The following DRD2 variants were observed in gnomAD, a reference collection of about 807,000 sequenced individuals.
The protein encoded by DRD2 is D(2) dopamine receptor.
Under a neutral mutation model 38.0 loss-of-function variants are expected in DRD2, and 8 were observed. The observed-to-expected ratio is 0.21, with a 90% confidence interval of 0.12 to 0.38. The LOEUF (loss-of-function observed/expected upper bound fraction) is 0.38. Ranked by LOEUF, DRD2 falls within the 10% of genes least tolerant of loss-of-function variation. The pLI is 1.00. For synonymous variants in DRD2, 230 were observed against 238.6 expected (o/e 0.96, Z 0.33); for missense variants, 403 against 607.7 (o/e 0.66, Z 3.54).
At chr11:113,423,059 C>T (rs887786321) in intron 2 of DRD2, among the ~76,000 whole-genome samples, 8 of 152,066 alleles carry the variant, frequency 5.3e-5, no homozygotes, top group Admixed American at 2.6e-4. Flanking sequence ...CCTGGACATG[C>T]CATCCTAGAA....
In DRD2 at chr11:113,416,848, A is replaced by G. The variant is rs1253231930; in HGVS notation, c.532+15T>C. ...AGGGCCAGCTGAGCCTCAGGCAAAC[A>G]AAAGCAGAATGTACCTGCGTTATTG... On this transcript the variant is annotated intron_variant, in intron 4 of 7. Transcript: ENST00000362072. The G allele has an allele frequency of 8.7e-6, 14 of 1,613,126 alleles. No individual in the cohort carries two copies. The East Asian group carries it at 1.1e-4, about 13-fold the overall frequency.
chr11:113,423,879 G>A (rs1463807309), intron 2 of DRD2, among the ~76,000 whole-genome samples: 1 of 152,210 alleles, frequency 6.6e-6, no homozygotes, highest in Non-Finnish European at 1.5e-5. Context: ...GTGGGGAGAT[G>A]GGAGTGAAGG....
intron 1 of DRD2, among the ~76,000 whole-genome samples, chr11:113,445,896 G>A (rs1195247536): frequency 1.3e-5 from 2 of 152,210 alleles, no homozygotes; most frequent in Non-Finnish European, 2.9e-5. Context: ...AGCTCAGCCT[G>A]TCTCCAGAGC....
intron 1 of DRD2, among the ~76,000 whole-genome samples, chr11:113,464,254 A>G (rs541678949): frequency 5.1e-4 from 77 of 152,270 alleles, no homozygotes; most frequent in African/African-American, 1.8e-3. Flanking sequence ...GCATGGCGGC[A>G]GCAGCCCCTC....
intron 1 of DRD2, among the ~76,000 whole-genome samples, chr11:113,436,473 T>C (rs1361559605): frequency 6.6e-6 from 1 of 152,202 alleles, no homozygotes. Context: ...ATTGAAAATC[T>C]AAACAGTAGA....
chr11:113,421,504 G>A (rs1218155778), intron 2 of DRD2, among the ~76,000 whole-genome samples: 1 of 152,154 alleles, frequency 6.6e-6, no homozygotes, highest in Non-Finnish European at 1.5e-5. Context: ...GGCTGACATG[G>A]AATGGCACAT....
At chr11:113,424,055 T>C (rs1245866125) in intron 2 of DRD2, among the ~76,000 whole-genome samples, 2 of 152,200 alleles carry the variant, frequency 1.3e-5, no homozygotes, top group African/African-American at 4.8e-5. Flanking sequence ...CCACCTGGTT[T>C]ATCAACTGCA....
intron 1 of DRD2, among the ~76,000 whole-genome samples, chr11:113,436,698 C>A (rs1438017174): frequency 6.6e-6 from 1 of 152,144 alleles, no homozygotes; most frequent in Non-Finnish European, 1.5e-5. Flanking sequence ...CATTGAGGTT[C>A]ATGACGCTAT....
intron 1 of DRD2, among the ~76,000 whole-genome samples, chr11:113,425,682 G>C (rs906500546): frequency 1.3e-5 from 2 of 152,052 alleles, no homozygotes; most frequent in Non-Finnish European, 2.9e-5. Flanking sequence ...GGTTTGGCAG[G>C]ATGCAGGGAG....
At chr11:113,471,435 C>G (rs886696885) in intron 1 of DRD2, among the ~76,000 whole-genome samples, 19 of 152,160 alleles carry the variant, frequency 1.2e-4, no homozygotes, top group Non-Finnish European at 2.4e-4. Flanking sequence ...TACCTAATCC[C>G]AAGGTCCTTC....
chr11:113,437,274 A>G (rs1951047714), intron 1 of DRD2, among the ~76,000 whole-genome samples: 1 of 152,236 alleles, frequency 6.6e-6, no homozygotes, highest in South Asian at 2.1e-4. Context: ...ATCTGCCTGC[A>G]GAACCCAGAC....
At chr11:113,470,270 G>A (rs1215834159) in intron 1 of DRD2, among the ~76,000 whole-genome samples, 1 of 152,210 alleles carries the variant, frequency 6.6e-6, no homozygotes, top group Non-Finnish European at 1.5e-5. Flanking sequence ...AGAAGGGCAG[G>A]CACGTTCTGA....
rs199729096 is a variant in DRD2, at chr11:113,410,654, G to C, written c.*73C>G. On this transcript the variant is annotated 3_prime_UTR_variant, in exon 8 of 8. Transcript: ENST00000362072. ...ATCCACCCAGGCCTTCCTGCTCACGGTTCGCAAGGGTGAGGCTGGCCGGCC... is the reference window on the plus strand; with the variant it reads ...ATCCACCCAGGCCTTCCTGCTCACGCTTCGCAAGGGTGAGGCTGGCCGGCC... 4 of 1,594,428 alleles carry C rather than the reference G, an allele frequency of 2.5e-6. No individual in the cohort carries two copies. The highest frequency in any genetic ancestry group is 3.4e-6 in the Non-Finnish European group (4 of 1,163,800).
At chr11:113,431,851 G>A (rs1353555986) in intron 1 of DRD2, among the ~76,000 whole-genome samples, 1 of 152,208 alleles carries the variant, frequency 6.6e-6, no homozygotes, top group Non-Finnish European at 1.5e-5. Context: ...TAGCTCTCAA[G>A]TTGAGAAGTA....
At chr11:113,449,640 C>A (rs920923546) in intron 1 of DRD2, among the ~76,000 whole-genome samples, 3 of 151,612 alleles carry the variant, frequency 2.0e-5, no homozygotes, top group African/African-American at 7.3e-5. Context: ...GGCCATAACA[C>A]GGAGCTGCTC....
intron 2 of DRD2, among the ~76,000 whole-genome samples, chr11:113,420,989 G>A (rs1950879301): frequency 6.6e-6 from 1 of 152,162 alleles, no homozygotes; most frequent in African/African-American, 2.4e-5. Context: ...CCTAATAACT[G>A]TAATAATACT....
intron 1 of DRD2, chr11:113,425,018 T>C (rs1489880639): frequency 6.1e-6 from 2 of 327,418 alleles, no homozygotes; most frequent in African/African-American, 4.2e-5. Flanking sequence ...GCTTGCTACC[T>C]TCTAGTCATC....
chr11:113,435,837 A>G (rs1242909880), intron 1 of DRD2, among the ~76,000 whole-genome samples: 1 of 152,176 alleles, frequency 6.6e-6, no homozygotes, highest in Non-Finnish European at 1.5e-5. Flanking sequence ...TAATTTCAGG[A>G]AAGAATTGAG....
intron 2 of DRD2, 71 bp from the exon 3 acceptor site, chr11:113,418,207 T>C (rs747973563): frequency 8.4e-5 from 110 of 1,307,708 alleles, no homozygotes; most frequent in Non-Finnish European, 1.2e-4. Flanking sequence ...AGCCTGGTAC[T>C]CCTGGAGCCG....
Sources: gnomAD v4.1 joint callset for allele counts (sites outside exome capture counted in the v4.1 genomes callset) on GRCh38, gnomAD v4.1.1 for gene constraint, MANE v1.5 for transcripts, NCBI Gene and HGNC (gene_info 2026-07-23, HGNC 2026-07-21) for gene names.